DOCK9: variants seen among roughly 807,000 people sequenced by gnomAD.
DOCK9 encodes the protein dedicator of cytokinesis 9.
In DOCK9, 89 loss-of-function variants were observed where a neutral mutation model predicts 263.3. The observed-to-expected ratio is 0.34, with a 90% CI of 0.28 to 0.40. The LOEUF (loss-of-function observed/expected upper bound fraction) is 0.40. Ranked by LOEUF, DOCK9 falls within the 10% of genes least tolerant of loss-of-function variation. The pLI, the probability that DOCK9 is intolerant of heterozygous loss-of-function variation, is 1.00. For missense variants in DOCK9, 2,140 were observed against 2,603.4 expected (o/e 0.82, Z 3.87); for synonymous variants, 976 against 973.1 (o/e 1.00, Z -0.06).
intron 31 of DOCK9, 38 bp downstream of exon 31, chr13:98,863,332 A>T: frequency 6.3e-7 from 1 of 1,598,666 alleles, no homozygotes; most frequent in South Asian, 1.1e-5. Context: ...AATAAAGGAC[A>T]TTATCAATGC....
chr13:98,974,424 T>C (rs2060017889), intron 1 of DOCK9, among the ~76,000 whole-genome samples: 1 of 152,062 alleles, frequency 6.6e-6, no homozygotes, highest in Non-Finnish European at 1.5e-5. Context: ...CCTCTGAAAC[T>C]TTATAATGTC....
chr13:98,973,398 A>T (rs1416225988), intron 1 of DOCK9, among the ~76,000 whole-genome samples: 1 of 152,156 alleles, frequency 6.6e-6, no homozygotes, highest in African/African-American at 2.4e-5. Context: ...GAGTTCCCAG[A>T]TAAGGTACTG....
intron 32 of DOCK9, 124 bp downstream of exon 32, chr13:98,862,895 C>T: frequency 1.3e-6 from 1 of 788,068 alleles, no homozygotes; most frequent in Non-Finnish European, 2.1e-6. Flanking sequence ...TGATTTTGGA[C>T]TTCTGGACTC....
intron 18 of DOCK9, among the ~76,000 whole-genome samples, chr13:98,887,124 T>TA (rs2045826976): frequency 9.8e-6 from 1 of 101,586 alleles, no homozygotes; most frequent in East Asian, 2.8e-4. Context: ...GATACTATAT[T>TA]TTATATATAT....
intron 45 of DOCK9, among the ~76,000 whole-genome samples, chr13:98,812,063 C>G (rs1366770562): frequency 6.6e-6 from 1 of 151,234 alleles, no homozygotes; most frequent in Non-Finnish European, 1.5e-5. Context: ...GTGTGTGGGT[C>G]CATTTCTGGA....
chr13:98,887,141 A>ATTTTTTTTTTTTTTTTTTTTTTTTTTTT (rs1335567169), intron 18 of DOCK9, among the ~76,000 whole-genome samples: 6 of 59,618 alleles, frequency 1.0e-4, no homozygotes, highest in East Asian at 5.8e-4. Flanking sequence ...ATATATATAT[A>ATTTTTTTTTTTTTTTTTTTTTTTTTTTT]TATTTTTTTT....
chr13:98,826,128 T>A lies in DOCK9; in HGVS notation c.5023+702A>T, dbSNP rs183436902. 1.5e-3 allele frequency among the ~76,000 whole-genome samples: 233 copies of A among 152,350 alleles called. 10 individuals carry two copies. The South Asian group carries it at 0.043, about 28-fold the overall frequency. On this transcript the variant is annotated intron_variant, in intron 44 of 52. Coordinates refer to ENST00000682017, the MANE Select transcript of DOCK9 (RefSeq NM_001366683.2). ...CTTTGGTTTCACACTATTTCTCACT[T>A]CGTACATCTATTCCTCATTAGCCCA...
chr13:98,820,656 T>C, intron 45 of DOCK9: 1 of 433,688 alleles, frequency 2.3e-6, no homozygotes, highest in South Asian at 1.7e-5. Context: ...TGATAAAGGA[T>C]TAATTTTCTT....
rs149324524 is a variant in DOCK9, at chr13:98,890,406, G to A, written c.1710-1695C>T. 1.3e-4 allele frequency among the ~76,000 whole-genome samples: 20 copies of A among 152,300 alleles called. No individual in the cohort carries two copies. In the East Asian group the frequency reaches 2.9e-3, roughly 22 times the overall value. ...TCACAGGCTACCACAGCACCCACAC[G>A]TGGTAAATACATTCTGCTGAAGCCT... On this transcript the variant is annotated intron_variant, in intron 15 of 52. Transcript: ENST00000682017.
intron 1 of DOCK9, among the ~76,000 whole-genome samples, chr13:99,084,563 TCA>T (rs1256552898): frequency 6.6e-6 from 1 of 152,156 alleles, no homozygotes; most frequent in Admixed American, 6.5e-5. Context: ...CACTCCTAGG[TCA>T]CCATTAGTAG....
intron 1 of DOCK9, among the ~76,000 whole-genome samples, chr13:99,006,041 G>A (rs986284129): frequency 2.0e-5 from 3 of 152,108 alleles, no homozygotes; most frequent in Admixed American, 6.5e-5. Flanking sequence ...AACCACAGAG[G>A]AAAAGATGGT....
chr13:98,920,911 T>C (rs7995432), intron 7 of DOCK9, 43 bp downstream of exon 7: 67,281 of 1,546,418 alleles, frequency 0.044, 2,140 homozygotes, highest in African/African-American at 0.16. Flanking sequence ...TAAGCACTAC[T>C]GCAGATAAGA....
chr13:98,933,753 T>A (rs925170437), intron 2 of DOCK9, among the ~76,000 whole-genome samples: 44 of 152,262 alleles, frequency 2.9e-4, no homozygotes, highest in African/African-American at 9.9e-4. Context: ...CGTCTATGCA[T>A]AGTGCTCTGT....
chr13:99,010,734 G>A (rs987984490), intron 1 of DOCK9, among the ~76,000 whole-genome samples: 22 of 152,136 alleles, frequency 1.4e-4, no homozygotes, highest in Admixed American at 7.9e-4. Context: ...CTAATGTAGC[G>A]CCCACCATAT....
intron 37 of DOCK9, 106 bp from the exon 38 acceptor site, chr13:98,846,166 T>C (rs1189603850): frequency 3.8e-6 from 5 of 1,324,504 alleles, no homozygotes; most frequent in East Asian, 2.6e-5. Context: ...GAGATGGCCA[T>C]GCACTGACTG....
intron 35 of DOCK9, among the ~76,000 whole-genome samples, chr13:98,851,933 G>C (rs1475084482): frequency 1.3e-5 from 2 of 152,170 alleles, no homozygotes; most frequent in Admixed American, 1.3e-4. Flanking sequence ...TCGATAACTT[G>C]AAGAAAATTG....
chr13:98,957,559 G>GA (rs58199053), intron 1 of DOCK9, among the ~76,000 whole-genome samples: 83 of 145,724 alleles, frequency 5.7e-4, no homozygotes, highest in South Asian at 6.4e-4. Flanking sequence ...TTCAAAAAAG[G>GA]AAAAAAAAAA....
chr13:98,838,109 A>C (rs2093076972), intron 38 of DOCK9, among the ~76,000 whole-genome samples: 1 of 152,188 alleles, frequency 6.6e-6, no homozygotes, highest in African/African-American at 2.4e-5. Flanking sequence ...AGATTTCCAA[A>C]GCTTCCCATG....
intron 2 of DOCK9, among the ~76,000 whole-genome samples, chr13:98,954,001 G>A (rs552122109): frequency 3.9e-5 from 6 of 152,238 alleles, no homozygotes; most frequent in Admixed American, 3.9e-4. Flanking sequence ...TTGTAAGCTG[G>A]AGTCGCTTAA....
Sources: gnomAD v4.1 joint callset for allele counts (sites outside exome capture counted in the v4.1 genomes callset) on GRCh38, gnomAD v4.1.1 for gene constraint, MANE v1.5 for transcripts, NCBI Gene and HGNC (gene_info 2026-07-23, HGNC 2026-07-21) for gene names.